The following DCAF1 variants were observed in gnomAD, a reference collection of about 807,000 sequenced individuals.
The protein encoded by DCAF1 is DDB1- and CUL4-associated factor 1.
DCAF1 carries 15 observed loss-of-function variants against 128.0 expected under a neutral mutation model. That is an observed-to-expected ratio of 0.12 (90% CI 0.08 to 0.18). The LOEUF (loss-of-function observed/expected upper bound fraction) is 0.18, where lower values mean the gene tolerates loss of function less well. Among genes scored for constraint, DCAF1 ranks in the 10% least tolerant of loss-of-function variants. The pLI, the probability that DCAF1 is intolerant of heterozygous loss-of-function variation, is 1.00. For missense variants in DCAF1, 988 were observed against 1,649.5 expected (o/e 0.60, Z 6.95); for synonymous variants, 610 against 603.0 (o/e 1.01, Z -0.17).
At chr3:51,498,386 A>G (rs1435019108) in intron 1 of DCAF1, among the ~76,000 whole-genome samples, 1 of 151,326 alleles carries the variant, frequency 6.6e-6, no homozygotes, top group Non-Finnish European at 1.5e-5. Flanking sequence ...GAAAAAAAAA[A>G]AAAAAAGAGT....
chr3:51,418,029 A>C lies in DCAF1; in HGVS notation c.3518+87T>G, dbSNP rs541680449. 2.2e-4 allele frequency: 327 copies of C among 1,497,768 alleles called. 1 individual carries two copies. Among genetic ancestry groups the C allele is most frequent in the Middle Eastern group, 2.1e-3 (12 of 5,702 alleles). 92.8% of individuals were successfully genotyped at this position (1,497,768 alleles called of 1,614,324 possible). A position where few individuals can be genotyped will look rare whatever the true frequency, so the allele number is the denominator to read the frequency against. ...ATAACCGACAGCATCCTCTTTCCCC[A>C]AAAGGCTTCCAGTCTAAGAACCAAA... On this transcript the variant is annotated intron_variant, in intron 17 of 24. Transcript: ENST00000684031.
At chr3:51,428,330 CCTT>C (rs1301925224) in intron 12 of DCAF1, among the ~76,000 whole-genome samples, 1 of 96,382 alleles carries the variant, frequency 1.0e-5, no homozygotes, top group Non-Finnish European at 2.0e-5. Flanking sequence ...ACCACCATGC[CCTT>C]TTTTTTTTTT....
At chr3:51,470,898 A>C in intron 4 of DCAF1, 31 bp downstream of exon 4, 1 of 1,471,758 alleles carries the variant, frequency 6.8e-7, no homozygotes. Context: ...AAGAAAAAAA[A>C]AAGACCCACA....
chr3:51,411,771 T>C (rs1184725559), intron 23 of DCAF1, among the ~76,000 whole-genome samples: 3 of 152,094 alleles, frequency 2.0e-5, no homozygotes, highest in Admixed American at 6.5e-5. Flanking sequence ...GGGAGATGCT[T>C]ATCTGAAGCC....
intron 9 of DCAF1, among the ~76,000 whole-genome samples, chr3:51,433,801 C>G (rs1159552682): frequency 6.7e-6 from 1 of 148,928 alleles, no homozygotes; most frequent in African/African-American, 2.5e-5. Flanking sequence ...GCTGTAAGGG[C>G]TGGGTGCAGT....
chr3:51,467,382 C>T (rs1159042060), intron 4 of DCAF1, among the ~76,000 whole-genome samples: 1 of 152,042 alleles, frequency 6.6e-6, no homozygotes, highest in East Asian at 1.9e-4. Context: ...AACCATCATT[C>T]TCAGCAAACT....
At position 51,398,813 on chromosome 3, in the gene DCAF1, T is replaced by C; in HGVS notation, c.4480A>G (p.Asn1494Asp). Residue 1494 changes from asparagine (N) to aspartate (D), a missense_variant, in exon 25 of 25, where the codon AAC (asparagine) becomes GAC (aspartate). By Grantham distance (23) the Asn-to-Asp change is conservative. This residue lies in a region of DCAF1 where 97 missense variants were observed against 134.5 expected (regional missense o/e 0.72). Transcript: ENST00000684031. ...ATGATGTCATCTTCCAAATCAGAGT[T>C]GTCAGAGCTGTCAGCTGAAAGGGAA... ...LILGDTDSSD[N>D]SDLEDDIILS... The C allele has an allele frequency of 6.3e-7, 1 of 1,585,994 alleles. No homozygotes were observed. Among genetic ancestry groups the C allele is most frequent in the Non-Finnish European group, 8.6e-7 (1 of 1,165,194 alleles).
chr3:51,468,799 T>C (rs1704413944), intron 4 of DCAF1, among the ~76,000 whole-genome samples: 1 of 152,234 alleles, frequency 6.6e-6, no homozygotes, highest in Non-Finnish European at 1.5e-5. Context: ...AATTGCTTTG[T>C]AAGCTCTACT....
At chr3:51,478,116 A>C (rs1553651366) in intron 3 of DCAF1, among the ~76,000 whole-genome samples, 1 of 151,780 alleles carries the variant, frequency 6.6e-6, no homozygotes, top group Admixed American at 6.6e-5. Context: ...CAATCCTCCT[A>C]CCTCAGCCTC....
At chr3:51,450,546 A>G (rs1702248682) in intron 6 of DCAF1, among the ~76,000 whole-genome samples, 1 of 152,256 alleles carries the variant, frequency 6.6e-6, no homozygotes, top group Non-Finnish European at 1.5e-5. Context: ...AGATTCTAGA[A>G]GGAAACATCA....
intron 7 of DCAF1, among the ~76,000 whole-genome samples, chr3:51,442,514 A>G (rs1331116314): frequency 1.3e-5 from 2 of 152,262 alleles, no homozygotes; most frequent in Non-Finnish European, 2.9e-5. Flanking sequence ...ACTGGCCAAC[A>G]TGGTGAAACC....
At chr3:51,504,104 C>G (rs548510781), upstream of DCAF1, among the ~76,000 whole-genome samples, 15 of 148,980 alleles carry the variant, frequency 1.0e-4, no homozygotes, top group African/African-American at 3.7e-4. Context: ...GTGGCACAAT[C>G]TCAGCTCACC....
At chr3:51,436,044 C>G (rs1700797331) in intron 9 of DCAF1, among the ~76,000 whole-genome samples, 1 of 152,176 alleles carries the variant, frequency 6.6e-6, no homozygotes, top group Non-Finnish European at 1.5e-5. Flanking sequence ...AAGAAAATTC[C>G]CAGGATGATT....
At chr3:51,426,202 T>C (rs986170914) in intron 13 of DCAF1, among the ~76,000 whole-genome samples, 5 of 151,934 alleles carry the variant, frequency 3.3e-5, no homozygotes, top group African/African-American at 7.2e-5. Context: ...AACGCAAACA[T>C]GCAATGGGTT....
At chr3:51,473,262 CAAA>C (rs782434269) in intron 3 of DCAF1, among the ~76,000 whole-genome samples, 2 of 121,068 alleles carry the variant, frequency 1.7e-5, no homozygotes, top group East Asian at 2.4e-4. Context: ...AACTCTATCT[CAAA>C]AAAAAAAAAA....
intron 21 of DCAF1, 54 bp downstream of exon 21, chr3:51,413,224 TTAAA>T: frequency 1.8e-5 from 28 of 1,568,026 alleles, no homozygotes; most frequent in South Asian, 2.3e-5. Flanking sequence ...ATGAAGGATC[TTAAA>T]TAAGGAACAC....
chr3:51,416,114 C>T (rs1698857327), intron 18 of DCAF1, among the ~76,000 whole-genome samples: 2 of 152,040 alleles, frequency 1.3e-5, no homozygotes, highest in South Asian at 4.1e-4. Context: ...ACTTCAGGAA[C>T]TTTACATCCA....
chr3:51,443,266 T>A (rs1015787184), intron 7 of DCAF1, among the ~76,000 whole-genome samples: 3 of 152,150 alleles, frequency 2.0e-5, no homozygotes, highest in African/African-American at 7.2e-5. Flanking sequence ...TTTATTGGCA[T>A]ACAATGTCAT....
upstream of DCAF1, among the ~76,000 whole-genome samples, chr3:51,501,735 C>G (rs1553664368): frequency 6.6e-6 from 1 of 152,174 alleles, no homozygotes; most frequent in East Asian, 1.9e-4. Flanking sequence ...GCGCCACAGA[C>G]ATGTCACCTT....
Sources: gnomAD v4.1 joint callset for allele counts (sites outside exome capture counted in the v4.1 genomes callset) on GRCh38, gnomAD v4.1.1 for gene constraint, gnomAD v4.1.1 regional missense constraint, MANE v1.5 for transcripts, NCBI Gene and HGNC (gene_info 2026-07-23, HGNC 2026-07-21) for gene names.